Variants in DNAJB1 observed in about 807,000 individuals in gnomAD.
The protein encoded by DNAJB1 is dnaJ homolog subfamily B member 1.
A neutral mutation model predicts 24.0 loss-of-function variants in DNAJB1; 14 were observed. The observed-to-expected ratio is 0.58, with a 90% CI of 0.39 to 0.91. The LOEUF (loss-of-function observed/expected upper bound fraction) is 0.91. DNAJB1 is among the 40% of genes least tolerant of loss of function. The probability of loss-of-function intolerance (pLI) is 0.00; values close to 1 mark genes in which losing one functional copy is unlikely to be tolerated. For synonymous variants in DNAJB1, 262 were observed against 174.4 expected (o/e 1.50, Z -3.96); for missense variants, 517 against 458.1 (o/e 1.13, Z -1.17).
At chr19:14,532,974 G>A (rs1301715268), upstream of DNAJB1, among the ~76,000 whole-genome samples, 2 of 151,828 alleles carry the variant, frequency 1.3e-5, no homozygotes, top group African/African-American at 4.8e-5. Context: ...GCTGGGTATG[G>A]TGGCACGTGC....
intron 1 of DNAJB1, among the ~76,000 whole-genome samples, chr19:14,538,036 G>GCGC (rs1208713057): frequency 2.0e-5 from 3 of 152,196 alleles, no homozygotes; most frequent in African/African-American, 7.2e-5. Context: ...GTGAGCCACT[G>GCGC]CGCCGGCAGT....
At chr19:14,526,277 G>A (rs1348460828) in intron 2 of DNAJB1, among the ~76,000 whole-genome samples, 1 of 152,204 alleles carries the variant, frequency 6.6e-6, no homozygotes, top group Non-Finnish European at 1.5e-5. Context: ...ATCAGCCACT[G>A]CTGGGACTGT....
intron 1 of DNAJB1, among the ~76,000 whole-genome samples, chr19:14,528,174 G>A (rs996230826): frequency 6.6e-5 from 10 of 151,674 alleles, no homozygotes; most frequent in African/African-American, 2.2e-4. Context: ...GTGAGCCACC[G>A]TGCCTGGCCA....
At position 14,516,911 on chromosome 19, in the gene DNAJB1, A is replaced by C; in HGVS notation, c.347T>G (p.Phe116Cys). ...GCCTTCCTCCCCGTTCCGCTGCCCA[A>C]AAAAGGTGTCAAAGGGATTTCTGCC... ...FGGRNPFDTFFGQRNGEEGMD... is the reference protein window; with the variant it reads ...FGGRNPFDTFCGQRNGEEGMD... Residue 116 changes from phenylalanine to cysteine, a missense_variant, in exon 2 of 3, where the codon TTT (phenylalanine) becomes TGT (cysteine). Transcript: ENST00000254322. The C allele has an allele frequency of 6.2e-7, 1 of 1,614,118 alleles. No individual in the cohort carries two copies. The highest frequency in any genetic ancestry group is 8.5e-7 in the Non-Finnish European group (1 of 1,180,028).
intron 1 of DNAJB1, among the ~76,000 whole-genome samples, chr19:14,556,531 C>T (rs1462224097): frequency 6.6e-6 from 1 of 152,210 alleles, no homozygotes; most frequent in Non-Finnish European, 1.5e-5. Context: ...GCTTGCCCAG[C>T]ACGCACAGGC....
chr19:14,522,483 C>T (rs1192491631), upstream of DNAJB1, among the ~76,000 whole-genome samples: 2 of 106,708 alleles, frequency 1.9e-5, no homozygotes, highest in African/African-American at 8.3e-5. Context: ...GACTCTGTCT[C>T]GAAGAAAAAA....
At position 14,559,803 on chromosome 19, in the gene DNAJB1, T is replaced by C. The variant is rs942590735; in HGVS notation, c.-2166+228A>G. On this transcript the variant is annotated intron_variant, in intron 1 of 5. Transcript: ENST00000679223. ...CTCTGTCTCAAAAAAAAAAAAAAAT[T>C]ATAGAGACACAGGGAATTGCAAGAA... Among the ~76,000 whole-genome samples the C allele has an allele frequency of 2.0e-5, 3 of 148,828 alleles. No individual in the cohort carries two copies. In the East Asian group the frequency reaches 5.9e-4, roughly 29 times the overall value.
upstream of DNAJB1, chr19:14,529,728 AGG>A: frequency 6.2e-7 from 1 of 1,613,954 alleles, no homozygotes; most frequent in Non-Finnish European, 8.5e-7. Context: ...AGCGAGAAAC[AGG>A]GGCCGTGTGG....
chr19:14,558,919 C>T (rs888726086), intron 1 of DNAJB1, among the ~76,000 whole-genome samples: 2 of 152,240 alleles, frequency 1.3e-5, no homozygotes, highest in Non-Finnish European at 1.5e-5. Flanking sequence ...CTGCCTGTAC[C>T]CTCTGCAGCC....
At chr19:14,551,553 G>T (rs1171548931), upstream of DNAJB1, among the ~76,000 whole-genome samples, 1 of 152,172 alleles carries the variant, frequency 6.6e-6, no homozygotes, top group African/African-American at 2.4e-5. Flanking sequence ...CTCTCAGTCA[G>T]CATTGAGGAC....
At chr19:14,527,969 C>A (rs1489655891) in intron 1 of DNAJB1, among the ~76,000 whole-genome samples, 2 of 151,996 alleles carry the variant, frequency 1.3e-5, no homozygotes, top group African/African-American at 2.4e-5. Flanking sequence ...TGGCTCACTG[C>A]AACCTCCACC....
intron 1 of DNAJB1, among the ~76,000 whole-genome samples, chr19:14,548,940 C>T (rs1019252201): frequency 3.9e-5 from 6 of 152,054 alleles, no homozygotes; most frequent in South Asian, 2.1e-4. Context: ...GTGAGCATGG[C>T]GTGTTCAATA....
At chr19:14,556,425 C>CAAAAACAAAAAA (rs1455343160) in intron 1 of DNAJB1, among the ~76,000 whole-genome samples, 4 of 150,250 alleles carry the variant, frequency 2.7e-5, no homozygotes, top group Non-Finnish European at 5.9e-5. Flanking sequence ...AAAACAAAAA[C>CAAAAACAAAAAA]AAAAAAAACC....
upstream of DNAJB1, chr19:14,529,458 T>C (rs2072523680): frequency 9.3e-6 from 6 of 642,766 alleles, no homozygotes; most frequent in Admixed American, 2.4e-5. Context: ...GCAAGTTGAT[T>C]GGTCAATCCC....
At chr19:14,522,089 G>A (rs1484457566), upstream of DNAJB1, among the ~76,000 whole-genome samples, 3 of 152,136 alleles carry the variant, frequency 2.0e-5, no homozygotes, top group Non-Finnish European at 4.4e-5. Context: ...GTCAACTTCA[G>A]CAGATATTGG....
intron 1 of DNAJB1, chr19:14,545,055 A>G (rs1241839707): frequency 6.6e-6 from 3 of 456,198 alleles, no homozygotes; most frequent in East Asian, 7.0e-5. Context: ...GTTGTTTCTA[A>G]GCCTCTCACC....
intron 1 of DNAJB1, among the ~76,000 whole-genome samples, chr19:14,536,087 A>G (rs535884752): frequency 3.0e-4 from 46 of 152,182 alleles, no homozygotes; most frequent in African/African-American, 1.1e-3. Flanking sequence ...TGAGACCCAG[A>G]GAACAAGGCC....
chr19:14,516,273 C>T, intron 2 of DNAJB1, 103 bp from the exon 3 acceptor site: 4 of 1,390,018 alleles, frequency 2.9e-6, no homozygotes, highest in South Asian at 1.3e-5. Context: ...GCCTCTGCAG[C>T]TAAGACCTGG....
intron 1 of DNAJB1, among the ~76,000 whole-genome samples, chr19:14,540,419 G>C (rs1170304339): frequency 1.3e-5 from 2 of 151,256 alleles, no homozygotes; most frequent in Non-Finnish European, 2.9e-5. Context: ...TTGAGGCAGA[G>C]TCGTGCTCTG....
Sources: gnomAD v4.1 joint callset for allele counts (sites outside exome capture counted in the v4.1 genomes callset) on GRCh38, gnomAD v4.1.1 for gene constraint, MANE v1.5 for transcripts, NCBI Gene and HGNC (gene_info 2026-07-23, HGNC 2026-07-21) for gene names.